The following EPPIN variants were observed in gnomAD, a reference collection of about 807,000 sequenced individuals.
EPPIN encodes the protein epididymal peptidase inhibitor.
Under a neutral mutation model 18.8 loss-of-function variants are expected in EPPIN, and 14 were observed. The ratio of observed to expected loss-of-function variants is 0.75; its 90% CI spans 0.49 to 1.17. The LOEUF (loss-of-function observed/expected upper bound fraction) is 1.17. EPPIN is among the 50% of genes most tolerant of loss of function. The pLI is 0.00. For synonymous variants in EPPIN, 57 were observed against 54.8 expected (o/e 1.04, Z -0.18); for missense variants, 143 against 154.2 (o/e 0.93, Z 0.39).
chr20:45,545,299 C>T (rs779908164), intron 2 of EPPIN: 242 of 287,060 alleles, frequency 8.4e-4, no homozygotes, highest in Non-Finnish European at 1.3e-3. Context: ...TAATTTATCA[C>T]TTGCAGCATA....
intron 1 of EPPIN, among the ~76,000 whole-genome samples, 161 bp downstream of exon 1, chr20:45,547,106 A>G (rs2231832): frequency 0.05 from 7,595 of 152,182 alleles, 436 homozygotes; most frequent in African/African-American, 0.12. Context: ...TCCCAGAAGG[A>G]ATCTTACACA....
In EPPIN at chr20:45,547,261, A is replaced by G; in HGVS notation, c.91+6T>C. 6.2e-7 allele frequency: 1 copy of G among 1,613,758 alleles called. No individual in the cohort carries two copies. Among genetic ancestry groups the G allele is most frequent in the Non-Finnish European group, 8.5e-7 (1 of 1,179,818 alleles). ...CTCTAGGGTAAGGGCTGAGGCCAAT[A>G]CTTACTGGGAAATAACCAATCAGTC... On this transcript the variant is annotated splice_donor_region_variant and intron_variant, in intron 1 of 3. Transcript: ENST00000354280.
intron 2 of EPPIN, 57 bp from the exon 3 acceptor site, chr20:45,542,924 TG>T: frequency 6.4e-7 from 1 of 1,551,512 alleles, no homozygotes; most frequent in South Asian, 1.3e-5. Context: ...AATAAACAGT[TG>T]TTATTATTCT....
chr20:45,541,152 G>A lies in EPPIN; in HGVS notation c.*992C>T, dbSNP rs761687234. On this transcript the variant is annotated 3_prime_UTR_variant, in exon 4 of 4. Coordinates refer to ENST00000354280, the MANE Select transcript of EPPIN (RefSeq NM_020398.4). ...ATGAAGCTGGAAGCCGTTATCCTCA[G>A]CAAAGTAACGCAGGAACAAAAGTAA... is the stretch of plus-strand genomic sequence containing the variant. The A allele has an allele frequency of 1.3e-5, 2 of 152,156 alleles. No individual in the cohort carries two copies. Among genetic ancestry groups the A allele is most frequent in the African/African-American group, 4.8e-5 (2 of 41,438 alleles). The allele number at this position is 152,156 out of a possible 1,614,324, so 9.4% of individuals were successfully genotyped here. A position where few individuals can be genotyped will look rare whatever the true frequency, so the allele number is the denominator to read the frequency against.
At chr20:45,545,490 C>A (rs1361984926) in intron 2 of EPPIN, 149 bp downstream of exon 2, 4 of 1,352,544 alleles carry the variant, frequency 3.0e-6, no homozygotes, top group Non-Finnish European at 4.1e-6. Flanking sequence ...ATATTTGGCA[C>A]AGTAATGAAT....
chr20:45,546,026 A>G (rs562635466), intron 1 of EPPIN: 8 of 519,134 alleles, frequency 1.5e-5, no homozygotes, highest in Admixed American at 3.5e-5. Context: ...ACCACTGGTG[A>G]TATTTGGGCT....
intron 3 of EPPIN, 116 bp downstream of exon 3, chr20:45,542,584 G>T: frequency 1.4e-6 from 2 of 1,459,882 alleles, no homozygotes; most frequent in Non-Finnish European, 9.2e-7. Flanking sequence ...ATCAGAGCTG[G>T]TTCTGTCAGC....
At chr20:45,542,194 G>A (rs777291711) in intron 3 of EPPIN, 40 bp from the exon 4 acceptor site, 1 of 1,612,024 alleles carries the variant, frequency 6.2e-7, no homozygotes, top group Admixed American at 1.7e-5. Flanking sequence ...AGCATCTTGG[G>A]TTCAGCTCAT....
At position 45,541,942 on chromosome 20, in the gene EPPIN, A is replaced by T; in HGVS notation, c.*202T>A. On this transcript the variant is annotated 3_prime_UTR_variant, in exon 4 of 4. Coordinates refer to ENST00000354280, the MANE Select transcript of EPPIN (RefSeq NM_020398.4). ...ATAAAGGGGACATAAAGATGAAATC[A>T]AAACGGATGGATATTGTGCATCAAA... 1.8e-6 allele frequency: 1 copy of T among 565,392 alleles called. No individual in the cohort carries two copies. Among genetic ancestry groups the T allele is most frequent in the South Asian group, 2.7e-5 (1 of 36,790 alleles). The allele number at this position is 565,392 out of a possible 1,614,324, so 35.0% of individuals were successfully genotyped here. A position where few individuals can be genotyped will look rare whatever the true frequency, so the allele number is the denominator to read the frequency against.
chr20:45,542,671 G>A (rs1197156037), intron 3 of EPPIN, 29 bp downstream of exon 3: 1 of 1,606,844 alleles, frequency 6.2e-7, no homozygotes, highest in Non-Finnish European at 8.5e-7. Context: ...GACTGGAGAG[G>A]ATGAAAGACC....
chr20:45,547,165 C>G, intron 1 of EPPIN, 102 bp downstream of exon 1: 1 of 1,534,718 alleles, frequency 6.5e-7, no homozygotes, highest in Non-Finnish European at 8.8e-7. Flanking sequence ...GGGACCTGGG[C>G]TAAGATGGTG....
At chr20:45,545,269 G>T (rs1286890141) in intron 2 of EPPIN, 1 of 232,266 alleles carries the variant, frequency 4.3e-6, no homozygotes, top group Non-Finnish European at 8.4e-6. Flanking sequence ...TAGCAAAAAA[G>T]TTGGGAAATA....
chr20:45,540,860 C>A lies in EPPIN; in HGVS notation c.*1284G>T, dbSNP rs745980019. On this transcript the variant is annotated 3_prime_UTR_variant, in exon 4 of 4. Transcript: ENST00000354280. ...TCAACCATTGTGGAAGAGAGTGTGCCAATTCCTGAAAGATCTAGAACCAGA... is the reference window on the plus strand; with the variant it reads ...TCAACCATTGTGGAAGAGAGTGTGCAAATTCCTGAAAGATCTAGAACCAGA... The A allele has an allele frequency of 6.6e-6, 1 of 152,138 alleles. No homozygotes were observed. Among genetic ancestry groups the A allele is most frequent in the Non-Finnish European group, 1.5e-5 (1 of 68,026 alleles). 9.4% of individuals were successfully genotyped at this position (152,138 alleles called of 1,614,324 possible). A position where few individuals can be genotyped will look rare whatever the true frequency, so the allele number is the denominator to read the frequency against.
intron 2 of EPPIN, chr20:45,544,490 T>C (rs1481797780): frequency 6.6e-6 from 1 of 152,168 alleles, no homozygotes; most frequent in Non-Finnish European, 1.5e-5. Flanking sequence ...AGAGTTGAAC[T>C]CAGGATGGCT....
chr20:45,547,012 G>A (rs2145554986), intron 1 of EPPIN, among the ~76,000 whole-genome samples: 1 of 152,186 alleles, frequency 6.6e-6, no homozygotes, highest in South Asian at 2.1e-4. Context: ...GCTAGATCCT[G>A]TGACTCTCCT....
At chr20:45,542,622 C>T in intron 3 of EPPIN, 78 bp downstream of exon 3, 3 of 1,547,514 alleles carry the variant, frequency 1.9e-6, no homozygotes, top group Non-Finnish European at 1.7e-6. Context: ...TGTAGCTGTC[C>T]TGGAATGGAC....
chr20:45,545,879 G>T, intron 1 of EPPIN, 109 bp from the exon 2 acceptor site: 1 of 1,527,698 alleles, frequency 6.5e-7, no homozygotes, highest in Non-Finnish European at 8.9e-7. Flanking sequence ...CTTTCAGTTT[G>T]CTTGCCCCCA....
intron 3 of EPPIN, 79 bp from the exon 4 acceptor site, chr20:45,542,233 T>A (rs1297023281): frequency 1.3e-6 from 2 of 1,579,364 alleles, no homozygotes; most frequent in East Asian, 4.5e-5. Flanking sequence ...TGTTTATACA[T>A]CTTTGCACAG....
rs776361026 is a variant in EPPIN, at chr20:45,545,542, C to T, written c.223+97G>A. ...CCAAGTCCAGCAGTTTTGCCAGAGA[C>T]CAGCCCTCAGCGATCAGGGCACAAA... On this transcript the variant is annotated intron_variant, in intron 2 of 3. Coordinates refer to ENST00000354280, the MANE Select transcript of EPPIN (RefSeq NM_020398.4). The T allele has an allele frequency of 3.8e-6, 6 of 1,588,726 alleles. No homozygotes were observed. The African/African-American group carries it at 8.1e-5, about 21-fold the overall frequency.
Sources: allele counts gnomAD v4.1 joint callset (sites outside exome capture counted in the v4.1 genomes callset), GRCh38; gene constraint gnomAD v4.1.1; transcripts MANE v1.5; gene names NCBI Gene and HGNC (gene_info 2026-07-23, HGNC 2026-07-21).